The following S100A9 variants were observed in gnomAD, a reference collection of about 807,000 sequenced individuals.
The protein encoded by S100A9 is S100 calcium binding protein A9, also known as protein S100-A9.
S100A9 carries 2 observed loss-of-function variants against 4.3 expected under a neutral mutation model. That is an observed-to-expected ratio of 0.47 (90% CI 0.19 to 1.48). The LOEUF is 1.48. Among genes scored for constraint, S100A9 ranks in the 40% most tolerant of loss-of-function variants. The probability of loss-of-function intolerance (pLI) is 0.24; values close to 1 mark genes in which losing one functional copy is unlikely to be tolerated. For missense variants in S100A9, 130 were observed against 144.4 expected, an observed-to-expected ratio of 0.90 and a Z score of 0.51; for synonymous variants, 67 against 54.0, an observed-to-expected ratio of 1.24 and a Z score of -1.06.
chr1:153,360,998 G>A lies in S100A9; in HGVS notation c.*160G>A. 3 of 600,036 alleles carry A rather than the reference G, an allele frequency of 5.0e-6. No individual in the cohort carries two copies. Among genetic ancestry groups the A allele is most frequent in the Non-Finnish European group, 8.8e-6 (3 of 339,130 alleles). The allele number at this position is 600,036 out of a possible 1,614,324, so 37.2% of individuals were successfully genotyped here. On this transcript the variant is annotated 3_prime_UTR_variant, in exon 3 of 3. Coordinates refer to ENST00000368738, the MANE Select transcript of S100A9 (RefSeq NM_002965.4). ...GTCTTGGCTGTGGGGCTAGGGGCTG[G>A]GGCCAAATAAAGTCTCTTCCTCCAA...
At chr1:153,359,888 C>G (rs1254098857) in intron 2 of S100A9, among the ~76,000 whole-genome samples, 1 of 151,926 alleles carries the variant, frequency 6.6e-6, no homozygotes, top group African/African-American at 2.4e-5. Context: ...AAGGTTTCTC[C>G]ATGTTGGTCA....
At chr1:153,358,927 G>A (rs150182581) in intron 2 of S100A9, among the ~76,000 whole-genome samples, 11 of 152,154 alleles carry the variant, frequency 7.2e-5, no homozygotes, top group East Asian at 5.8e-4. Flanking sequence ...ATGACACTTG[G>A]CACAAAGCTG....
In S100A9 at chr1:153,361,001, C is replaced by A; in HGVS notation, c.*163C>A. 1.7e-6 allele frequency: 1 copy of A among 596,024 alleles called. No homozygotes were observed. Among genetic ancestry groups the A allele is most frequent in the Non-Finnish European group, 3.0e-6 (1 of 336,098 alleles). The allele number at this position is 596,024 out of a possible 1,614,324, so 36.9% of individuals were successfully genotyped here. ...TTGGCTGTGGGGCTAGGGGCTGGGGCCAAATAAAGTCTCTTCCTCCAAGTC... is the reference window on the plus strand; with the variant it reads ...TTGGCTGTGGGGCTAGGGGCTGGGGACAAATAAAGTCTCTTCCTCCAAGTC... On this transcript the variant is annotated 3_prime_UTR_variant, in exon 3 of 3. Transcript: ENST00000368738.
chr1:153,360,976 T>C lies in S100A9; in HGVS notation c.*138T>C. 1.5e-6 allele frequency: 1 copy of C among 653,048 alleles called. No homozygotes were observed. Among genetic ancestry groups the C allele is most frequent in the South Asian group, 2.0e-5 (1 of 50,394 alleles). The allele number at this position is 653,048 out of a possible 1,614,324, so 40.5% of individuals were successfully genotyped here. ...CCGGGGCCTGTTATGTCAAACTGTC[T>C]TGGCTGTGGGGCTAGGGGCTGGGGC... On this transcript the variant is annotated 3_prime_UTR_variant, in exon 3 of 3. Coordinates refer to ENST00000368738, the MANE Select transcript of S100A9 (RefSeq NM_002965.4).
intron 1 of S100A9, 85 bp from the exon 2 acceptor site, chr1:153,358,184 T>G: frequency 2.2e-6 from 2 of 901,394 alleles, no homozygotes; most frequent in Non-Finnish European, 3.3e-6. Context: ...CCCCACTATT[T>G]CTGTGAGTGC....
intron 2 of S100A9, among the ~76,000 whole-genome samples, chr1:153,359,942 G>T (rs1661417675): frequency 6.6e-6 from 1 of 151,956 alleles, no homozygotes; most frequent in South Asian, 2.1e-4. Context: ...GCCTGCCTCG[G>T]CCTCCCAAAG....
intron 2 of S100A9, among the ~76,000 whole-genome samples, chr1:153,359,649 T>C (rs1661411928): frequency 6.7e-6 from 1 of 150,314 alleles, no homozygotes; most frequent in South Asian, 2.1e-4. Flanking sequence ...CCCGCCTGGG[T>C]CTGGGTCTTC....
At chr1:153,358,532 G>A (rs1661389392) in intron 2 of S100A9, 99 bp downstream of exon 2, 1 of 966,240 alleles carries the variant, frequency 1.0e-6, no homozygotes, top group Non-Finnish European at 1.5e-6. Context: ...GGGAAGATTT[G>A]AGCTCCTGGA....
At chr1:153,359,996 C>G (rs548525968) in intron 2 of S100A9, among the ~76,000 whole-genome samples, 4 of 152,074 alleles carry the variant, frequency 2.6e-5, no homozygotes, top group Non-Finnish European at 5.9e-5. Context: ...ACCATCTCCC[C>G]TTTTATACTT....
chr1:153,358,478 T>G, intron 2 of S100A9, 45 bp downstream of exon 2: 3 of 1,495,462 alleles, frequency 2.0e-6, no homozygotes, highest in Non-Finnish European at 2.7e-6. Context: ...CACCGCAGTT[T>G]GGGTTGACAA....
In S100A9 at chr1:153,358,407, C is replaced by A. The variant is rs557481928; in HGVS notation, c.124C>A (p.Arg42=). Residue 42 remains arginine, a synonymous_variant, in exon 2 of 3, where the codon CGA becomes AGA. Coordinates refer to ENST00000368738, the MANE Select transcript of S100A9 (RefSeq NM_002965.4). ...CCAGGGGGAATTCAAAGAGCTGGTG[C>A]GAAAAGATCTGCAAAATTTTCTCAA... is the stretch of plus-strand genomic sequence containing the variant. ...LNQGEFKELV[R]KDLQNFLKKE... is the part of the protein sequence containing the mutation. 1 of 1,610,934 alleles carries A rather than the reference C, an allele frequency of 6.2e-7. No individual in the cohort carries two copies. The highest frequency in any genetic ancestry group is 1.7e-5 in the Admixed American group (1 of 59,422).
At chr1:153,360,266 C>T (rs1661423923) in intron 2 of S100A9, among the ~76,000 whole-genome samples, 1 of 152,148 alleles carries the variant, frequency 6.6e-6, no homozygotes, top group Non-Finnish European at 1.5e-5. Context: ...ATGACCCTCT[C>T]TAGGACTGGT....
At chr1:153,359,710 CAG>C (rs1661413928) in intron 2 of S100A9, among the ~76,000 whole-genome samples, 1 of 114,478 alleles carries the variant, frequency 8.7e-6, no homozygotes, top group South Asian at 2.9e-4. Flanking sequence ...TTTTTTGAGA[CAG>C]AGTTTCGCTC....
chr1:153,360,005 T>C (rs1001951690), intron 2 of S100A9, among the ~76,000 whole-genome samples: 3 of 152,076 alleles, frequency 2.0e-5, no homozygotes, highest in Non-Finnish European at 4.4e-5. Flanking sequence ...CCTTTTATAC[T>C]TTATCACACC....
At chr1:153,359,281 C>T (rs1323460002) in intron 2 of S100A9, among the ~76,000 whole-genome samples, 1 of 152,088 alleles carries the variant, frequency 6.6e-6, no homozygotes, top group Non-Finnish European at 1.5e-5. Context: ...GTGCCCCTCC[C>T]TCCGCCTTGG....
intron 2 of S100A9, among the ~76,000 whole-genome samples, chr1:153,360,163 G>A (rs2101593601): frequency 6.6e-6 from 1 of 152,288 alleles, no homozygotes; most frequent in African/African-American, 2.4e-5. Context: ...GAGGGCAGGG[G>A]AAGGAGTGAA....
Position 153,358,436 on chromosome 1 carries a change from A to G in S100A9, c.150+3A>G. The stretch of plus-strand genomic sequence containing the variant: ...AAGATCTGCAAAATTTTCTCAAGGT[A>G]GGGCTGGACTCTGGCAGGTCTGACC... On this transcript the variant is annotated splice_donor_region_variant and intron_variant, in intron 2 of 2. Coordinates refer to ENST00000368738, the MANE Select transcript of S100A9 (RefSeq NM_002965.4). The G allele has an allele frequency of 1.3e-6, 2 of 1,598,364 alleles. No individual in the cohort carries two copies. Among genetic ancestry groups the G allele is most frequent in the Non-Finnish European group, 1.7e-6 (2 of 1,170,394 alleles).
chr1:153,360,849 G>GC lies in S100A9; in HGVS notation c.*13dup, dbSNP rs769432617. 1.3e-6 allele frequency: 2 copies of GC among 1,577,684 alleles called. No homozygotes were observed. The highest frequency in any genetic ancestry group is 1.7e-6 in the Non-Finnish European group (2 of 1,159,334). ...GAGGGCACCCCCTAAGACCACAGTG[G>GC]CCAAGATCACAGTGGCCACGGCCAC... On this transcript the variant is annotated 3_prime_UTR_variant, in exon 3 of 3. Coordinates refer to ENST00000368738, the MANE Select transcript of S100A9 (RefSeq NM_002965.4).
Position 153,359,602 on chromosome 1 carries a change from G to T in S100A9, c.151-1042G>T, listed in dbSNP as rs1047173090. ...ACTTAGCGAGGTGACTCAGCCAGAG[G>T]GTGGCAGAGCTGGAACCAACCAGTG... On this transcript the variant is annotated intron_variant, in intron 2 of 2. Transcript: ENST00000368738. Among the ~76,000 whole-genome samples the T allele has an allele frequency of 2.0e-5, 3 of 152,030 alleles. No individual in the cohort carries two copies. In the East Asian group the frequency reaches 5.8e-4, roughly 29 times the overall value.
Sources: gnomAD v4.1 joint callset for allele counts (sites outside exome capture counted in the v4.1 genomes callset) on GRCh38, gnomAD v4.1.1 for gene constraint, MANE v1.5 for transcripts, NCBI Gene and HGNC (gene_info 2026-07-23, HGNC 2026-07-21) for gene names.